TFAP4: variants seen among roughly 807,000 people sequenced by gnomAD.
The protein encoded by TFAP4 is transcription factor AP-4.
TFAP4 carries 7 observed loss-of-function variants against 40.4 expected under a neutral mutation model. That is an observed-to-expected ratio of 0.17 (90% CI 0.10 to 0.33). The LOEUF (loss-of-function observed/expected upper bound fraction) is 0.33. Ranked by LOEUF, TFAP4 falls within the 10% of genes least tolerant of loss-of-function variation. The pLI is 1.00. For missense variants in TFAP4, 374 were observed against 451.1 expected, an observed-to-expected ratio of 0.83 and a Z score of 1.55; for synonymous variants, 218 against 181.4, an observed-to-expected ratio of 1.20 and a Z score of -1.62.
At chr16:4,269,377 C>T (rs1165843241) in intron 1 of TFAP4, among the ~76,000 whole-genome samples, 1 of 151,254 alleles carries the variant, frequency 6.6e-6, no homozygotes, top group African/African-American at 2.4e-5. Flanking sequence ...CCTGTAGTCC[C>T]AGCTACTCGG....
chr16:4,266,244 C>G (rs977201008), intron 1 of TFAP4: 3 of 152,268 alleles, frequency 2.0e-5, no homozygotes, highest in African/African-American at 4.8e-5. Flanking sequence ...CAGAATCTGC[C>G]GGCCCAGCTT....
chr16:4,272,783 C>A lies in TFAP4; in HGVS notation c.-37G>T. 6.3e-7 allele frequency: 1 copy of A among 1,593,984 alleles called. No homozygotes were observed. Among genetic ancestry groups the A allele is most frequent in the Non-Finnish European group, 8.6e-7 (1 of 1,163,606 alleles). ...CCCCTCCTCTGCACGAGCCAGGTCC[C>A]GCGATCAGCCGGAGAATGCAAGATG... On this transcript the variant is annotated 5_prime_UTR_variant, in exon 1 of 7. Coordinates refer to ENST00000204517, the MANE Select transcript of TFAP4 (RefSeq NM_003223.3).
chr16:4,257,991 C>G lies in TFAP4; in HGVS notation c.*64G>C. The G allele has an allele frequency of 6.6e-7, 1 of 1,509,958 alleles. No individual in the cohort carries two copies. Among genetic ancestry groups the G allele is most frequent in the Non-Finnish European group, 9.0e-7 (1 of 1,114,588 alleles). The allele number at this position is 1,509,958 out of a possible 1,614,324, so 93.5% of individuals were successfully genotyped here. A position where few individuals can be genotyped will look rare whatever the true frequency, so the allele number is the denominator to read the frequency against. On this transcript the variant is annotated 3_prime_UTR_variant, in exon 7 of 7. Transcript: ENST00000204517. The stretch of plus-strand genomic sequence containing the variant: ...AAATTTCTCACTCATTCGCCCATGT[C>G]TCTCCCTGTGGCTGCCCCGGCTCCC...
chr16:4,261,965 A>T lies in TFAP4; in HGVS notation c.355-16T>A. ...CGCTCAGCTCCTGGGGACCCCAAGG[A>T]GTCGGTCAGTGTGCCTGACACCTCG... On this transcript the variant is annotated splice_polypyrimidine_tract_variant and intron_variant, in intron 3 of 6. Coordinates refer to ENST00000204517, the MANE Select transcript of TFAP4 (RefSeq NM_003223.3). The T allele has an allele frequency of 6.3e-7, 1 of 1,589,982 alleles. No homozygotes were observed. The highest frequency in any genetic ancestry group is 8.5e-7 in the Non-Finnish European group (1 of 1,170,644).
intron 1 of TFAP4, among the ~76,000 whole-genome samples, chr16:4,270,878 G>A (rs2053035099): frequency 1.3e-5 from 2 of 152,202 alleles, no homozygotes; most frequent in East Asian, 1.9e-4. Context: ...GCAACCCCAG[G>A]ACAAGGGTTC....
chr16:4,263,031 G>A (rs1014798917), intron 1 of TFAP4: 2 of 307,620 alleles, frequency 6.5e-6, no homozygotes, highest in African/African-American at 4.3e-5. Context: ...AATTAGCCAG[G>A]TGTGGTGGTG....
At chr16:4,267,561 C>T (rs941178173) in intron 1 of TFAP4, among the ~76,000 whole-genome samples, 5 of 152,248 alleles carry the variant, frequency 3.3e-5, no homozygotes, top group African/African-American at 1.2e-4. Flanking sequence ...TGGGGCATGC[C>T]CTTCAAGTCT....
chr16:4,259,137 G>A (rs995355955), intron 6 of TFAP4, among the ~76,000 whole-genome samples: 1 of 151,834 alleles, frequency 6.6e-6, no homozygotes, highest in Admixed American at 6.6e-5. Context: ...ATATGTTTTT[G>A]TTTGTTTGTT....
chr16:4,259,029 G>A (rs542934940), intron 6 of TFAP4, among the ~76,000 whole-genome samples: 11 of 151,504 alleles, frequency 7.3e-5, no homozygotes, highest in South Asian at 4.2e-4. Flanking sequence ...AGGAGGTTGC[G>A]ATGAGCTGAG....
rs527642226 is a variant in TFAP4 at position 4,260,070 on chromosome 16, C to G, written c.822+20G>C. ...CGGAGTATGACCCCCACAAGCTGCC[C>G]CTTTCTCAAGCTCAGGTACCTGCAC... On this transcript the variant is annotated intron_variant, in intron 6 of 6. Coordinates refer to ENST00000204517, the MANE Select transcript of TFAP4 (RefSeq NM_003223.3). 3.7e-5 allele frequency: 60 copies of G among 1,604,410 alleles called. No homozygotes were observed. Among genetic ancestry groups the G allele is most frequent in the Middle Eastern group, 1.7e-4 (1 of 6,042 alleles).
Position 4,261,946 on chromosome 16 carries a change from G to C in TFAP4, c.358C>G (p.Leu120Val), listed in dbSNP as rs1266057872. 15 of 1,603,992 alleles carry C rather than the reference G, an allele frequency of 9.4e-6. No individual in the cohort carries two copies. The Admixed American group carries it at 1.2e-4, about 13-fold the overall frequency. The change falls in exon 4 of 7, where the codon CTG (leucine) becomes GTG (valine). Residue 120 changes from leucine (L) to valine (V), a missense_variant. This residue lies in a region of TFAP4 where 51 missense variants were observed against 91.1 expected (regional missense o/e 0.56). Transcript: ENST00000204517. ...CGTCGCTTGGGGGACGAGCCGCTCA[G>C]CTCCTGGGGACCCCAAGGAGTCGGT... ...NTQLKRFIQE[L>V]SGSSPKRRRA...
intron 3 of TFAP4, 56 bp downstream of exon 3, chr16:4,262,268 C>A (rs1234691728): frequency 1.9e-6 from 3 of 1,585,440 alleles, no homozygotes; most frequent in African/African-American, 1.3e-5. Context: ...AGGCCCATGG[C>A]TGGGTCCAAG....
chr16:4,268,266 C>A (rs868199400), intron 1 of TFAP4, among the ~76,000 whole-genome samples: 1 of 152,164 alleles, frequency 6.6e-6, no homozygotes, highest in Non-Finnish European at 1.5e-5. Context: ...CCCCTCTCTA[C>A]TAAAAATACA....
chr16:4,269,805 A>G (rs1182497210), intron 1 of TFAP4, among the ~76,000 whole-genome samples: 1 of 124,456 alleles, frequency 8.0e-6, no homozygotes, highest in Non-Finnish European at 1.7e-5. Flanking sequence ...GTGAGAGTCC[A>G]TCTCAAAACA....
At chr16:4,272,418 C>CG (rs1435590090) in intron 1 of TFAP4, among the ~76,000 whole-genome samples, 5 of 152,070 alleles carry the variant, frequency 3.3e-5, no homozygotes, top group Non-Finnish European at 5.9e-5. Flanking sequence ...ACAAACGTCG[C>CG]GACTCGCCCG....
chr16:4,272,995 T>C lies in TFAP4; in HGVS notation c.-249A>G, dbSNP rs188370022. On this transcript the variant is annotated 5_prime_UTR_variant, in exon 1 of 7. Coordinates refer to ENST00000204517, the MANE Select transcript of TFAP4 (RefSeq NM_003223.3). ...GTGTGTGTGTGTGTGTGTGTGTGTG[T>C]GTGTGTGTTTGCAGCTGATCAGATG... 2.1e-6 allele frequency: 1 copy of C among 468,632 alleles called. No homozygotes were observed. The highest frequency in any genetic ancestry group is 3.4e-5 in the East Asian group (1 of 29,170). 29.0% of individuals were successfully genotyped at this position (468,632 alleles called of 1,614,324 possible).
intron 6 of TFAP4, chr16:4,258,458 G>A (rs939526752): frequency 1.9e-6 from 1 of 528,806 alleles, no homozygotes; most frequent in Non-Finnish European, 3.3e-6. Flanking sequence ...ATATCACCCA[G>A]GCTAGAGTGC....
intron 1 of TFAP4, among the ~76,000 whole-genome samples, chr16:4,269,394 G>C (rs1292779858): frequency 5.3e-5 from 8 of 151,028 alleles, no homozygotes; most frequent in African/African-American, 1.9e-4. Context: ...TCGGGAGGCT[G>C]AGGCAGGAGA....
chr16:4,259,540 A>G (rs926617371), intron 6 of TFAP4, among the ~76,000 whole-genome samples: 6 of 152,104 alleles, frequency 3.9e-5, no homozygotes, highest in African/African-American at 7.2e-5. Flanking sequence ...ATTCGAGGAG[A>G]TTGATGGATT....
Sources: gnomAD v4.1 joint callset for allele counts (sites outside exome capture counted in the v4.1 genomes callset) on GRCh38, gnomAD v4.1.1 for gene constraint, gnomAD v4.1.1 regional missense constraint, MANE v1.5 for transcripts, NCBI Gene and HGNC (gene_info 2026-07-23, HGNC 2026-07-21) for gene names.